Variants in SAMD3 observed in about 807,000 individuals in gnomAD.
The protein encoded by SAMD3 is sterile alpha motif domain containing 3, also known as sterile alpha motif domain-containing protein 3.
Under a neutral mutation model 58.5 loss-of-function variants are expected in SAMD3, and 63 were observed. The observed-to-expected ratio is 1.08, with a 90% CI of 0.88 to 1.33. SAMD3 has a LOEUF of 1.33. SAMD3 is among the 40% of genes most tolerant of loss of function. The probability of loss-of-function intolerance (pLI) is 0.00; values close to 1 mark genes in which losing one functional copy is unlikely to be tolerated. For missense variants in SAMD3, 604 were observed against 608.4 expected (o/e 0.99, Z 0.08); for synonymous variants, 220 against 210.3 (o/e 1.05, Z -0.40).
intron 5 of SAMD3, among the ~76,000 whole-genome samples, chr6:130,205,803 C>G (rs1795035521): frequency 6.6e-6 from 1 of 152,182 alleles, no homozygotes; most frequent in Non-Finnish European, 1.5e-5. Context: ...ACACTATACA[C>G]AGAGGAAGGG....
intron 2 of SAMD3, among the ~76,000 whole-genome samples, chr6:130,239,701 A>G (rs1773287342): frequency 6.6e-6 from 1 of 152,192 alleles, no homozygotes; most frequent in African/African-American, 2.4e-5. Context: ...ACAAGCCAGT[A>G]CATTCCTATT....
At chr6:130,215,839 G>C (rs1562460205) in intron 2 of SAMD3, 1 of 1,534,602 alleles carries the variant, frequency 6.5e-7, no homozygotes, top group Non-Finnish European at 8.7e-7. Flanking sequence ...GTAACTTGCT[G>C]CTTCTCATTG....
intron 5 of SAMD3, among the ~76,000 whole-genome samples, chr6:130,190,341 C>T (rs1793421127): frequency 6.6e-6 from 1 of 150,958 alleles, no homozygotes; most frequent in Non-Finnish European, 1.5e-5. Flanking sequence ...AAAATGTAAT[C>T]CATCCTCAAG....
chr6:130,236,881 T>G (rs1377222099), intron 2 of SAMD3, among the ~76,000 whole-genome samples: 3 of 152,218 alleles, frequency 2.0e-5, no homozygotes, highest in African/African-American at 7.2e-5. Context: ...TTTGAAAGAT[T>G]TTTCCCTTGT....
At chr6:130,309,408 A>G (rs551468351) in intron 2 of SAMD3, among the ~76,000 whole-genome samples, 4 of 152,324 alleles carry the variant, frequency 2.6e-5, no homozygotes, top group African/African-American at 9.6e-5. Context: ...AGATGGTATT[A>G]TATTTAATAT....
chr6:130,325,811 A>C (rs1419222295), intron 1 of SAMD3, among the ~76,000 whole-genome samples: 9 of 152,182 alleles, frequency 5.9e-5, no homozygotes. Context: ...TCCTGAACTC[A>C]TCATCATCCT....
intron 1 of SAMD3, among the ~76,000 whole-genome samples, chr6:130,346,418 G>T: frequency 6.6e-6 from 1 of 152,240 alleles, no homozygotes; most frequent in East Asian, 1.9e-4. Context: ...CACACCAGGA[G>T]ATTATATCCT....
At chr6:130,195,838 A>G (rs765495986) in intron 5 of SAMD3, among the ~76,000 whole-genome samples, 21 of 152,046 alleles carry the variant, frequency 1.4e-4, no homozygotes, top group Non-Finnish European at 2.6e-4. Flanking sequence ...TCAAACCCCA[A>G]CACCTTCTAC....
At chr6:130,320,275 T>C (rs1418788402) in intron 1 of SAMD3, among the ~76,000 whole-genome samples, 1 of 151,986 alleles carries the variant, frequency 6.6e-6, no homozygotes, top group African/African-American at 2.4e-5. Flanking sequence ...AGAAGATAAA[T>C]GAATAGCAAG....
In SAMD3 at chr6:130,174,305, G is replaced by A. The variant is rs532540476; in HGVS notation, c.822+1536C>T. 3.0e-3 allele frequency among the ~76,000 whole-genome samples: 461 copies of A among 152,330 alleles called. 2 individuals are homozygous for A. The highest frequency in any genetic ancestry group is 4.2e-3 in the Non-Finnish European group (283 of 68,022). ...GCTTGAAACCCAGGGCCCTGGTGGT[G>A]TAGGCATACGAGGCAATCTCCTGAT... On this transcript the variant is annotated intron_variant, in intron 8 of 11. Transcript: ENST00000439090.
chr6:130,265,879 A>G (rs1306277231), intron 2 of SAMD3, among the ~76,000 whole-genome samples: 1 of 152,208 alleles, frequency 6.6e-6, no homozygotes, highest in African/African-American at 2.4e-5. Context: ...GAAAGAGGCT[A>G]TATGGCAGAA....
chr6:130,181,985 A>T (rs937831168), intron 7 of SAMD3, among the ~76,000 whole-genome samples: 1 of 151,838 alleles, frequency 6.6e-6, no homozygotes, highest in African/African-American at 2.4e-5. Context: ...GAATGGCGTG[A>T]ACCCATGAGG....
At chr6:130,155,577 A>T (rs1789702553) in intron 8 of SAMD3, among the ~76,000 whole-genome samples, 1 of 152,196 alleles carries the variant, frequency 6.6e-6, no homozygotes, top group Admixed American at 6.5e-5. Flanking sequence ...GAAACACCTC[A>T]CTTATTCTTG....
At chr6:130,221,820 C>G (rs1796237801) in intron 1 of SAMD3, 1 of 151,780 alleles carries the variant, frequency 6.6e-6, no homozygotes, top group Non-Finnish European at 1.5e-5. Context: ...ACTCTATAAT[C>G]CATAAAACCA....
At chr6:130,356,951 A>T (rs1214046683) in intron 1 of SAMD3, among the ~76,000 whole-genome samples, 1 of 152,216 alleles carries the variant, frequency 6.6e-6, no homozygotes, top group Non-Finnish European at 1.5e-5. Context: ...AAACACTTCC[A>T]TCAAACTATC....
chr6:130,149,545 A>T (rs565288719), intron 9 of SAMD3, among the ~76,000 whole-genome samples: 1 of 152,306 alleles, frequency 6.6e-6, no homozygotes, highest in East Asian at 1.9e-4. Context: ...AAAAGAATGA[A>T]ATCATGTCCT....
At chr6:130,305,474 GAAT>G (rs2114980191) in intron 2 of SAMD3, among the ~76,000 whole-genome samples, 1 of 152,092 alleles carries the variant, frequency 6.6e-6, no homozygotes, top group South Asian at 2.1e-4. Flanking sequence ...ATTGTGATAG[GAAT>G]AATAATTTTT....
At chr6:130,326,022 G>A (rs1180189770) in intron 1 of SAMD3, among the ~76,000 whole-genome samples, 1 of 152,148 alleles carries the variant, frequency 6.6e-6, no homozygotes, top group Non-Finnish European at 1.5e-5. Flanking sequence ...ATAAACTCAG[G>A]GGCATATTGA....
At chr6:130,252,548 C>A (rs1773774352) in intron 2 of SAMD3, among the ~76,000 whole-genome samples, 1 of 152,136 alleles carries the variant, frequency 6.6e-6, no homozygotes, top group Admixed American at 6.5e-5. Flanking sequence ...CCAAATCTTG[C>A]CCTCGTCTGA....
Sources: gnomAD v4.1 joint callset for allele counts (sites outside exome capture counted in the v4.1 genomes callset) on GRCh38, gnomAD v4.1.1 for gene constraint, MANE v1.5 for transcripts, NCBI Gene and HGNC (gene_info 2026-07-23, HGNC 2026-07-21) for gene names.